TMPRSS9: variants seen among roughly 807,000 people sequenced by gnomAD.
TMPRSS9 encodes transmembrane protease serine 9.
In TMPRSS9, 113 loss-of-function variants were observed where a neutral mutation model predicts 111.4. The observed-to-expected ratio is 1.01, with a 90% CI of 0.87 to 1.19. TMPRSS9 has a LOEUF of 1.19. Ranked by LOEUF, TMPRSS9 falls within the 50% of genes most tolerant of loss-of-function variation. The pLI is 0.00. For synonymous variants in TMPRSS9, 805 were observed against 659.1 expected, an observed-to-expected ratio of 1.22 and a Z score of -3.39; for missense variants, 1,803 against 1,513.1, an observed-to-expected ratio of 1.19 and a Z score of -3.18.
chr19:2,368,526 G>A (rs1412025750), intron 1 of TMPRSS9, among the ~76,000 whole-genome samples: 4 of 152,088 alleles, frequency 2.6e-5, no homozygotes, highest in African/African-American at 9.7e-5. Flanking sequence ...CGGTCGCTGT[G>A]GGGAGGTTTG....
chr19:2,379,117 T>C (rs899299774), intron 1 of TMPRSS9, among the ~76,000 whole-genome samples: 2 of 151,594 alleles, frequency 1.3e-5, no homozygotes, highest in Non-Finnish European at 1.5e-5. Flanking sequence ...ACTTTCTAAA[T>C]GTGCTTGATG....
chr19:2,400,052 T>C (rs1970797511), intron 4 of TMPRSS9, among the ~76,000 whole-genome samples: 1 of 152,186 alleles, frequency 6.6e-6, no homozygotes, highest in African/African-American at 2.4e-5. Context: ...TTGTGGTCCG[T>C]TGGGTTTCTG....
upstream of TMPRSS9, among the ~76,000 whole-genome samples, chr19:2,388,066 G>A (rs1970513178): frequency 6.6e-6 from 1 of 152,192 alleles, no homozygotes; most frequent in Non-Finnish European, 1.5e-5. Context: ...AGAGTCTGTG[G>A]TCACAAATTC....
intron 15 of TMPRSS9, among the ~76,000 whole-genome samples, chr19:2,424,540 C>A (rs573295830): frequency 4.3e-5 from 6 of 139,400 alleles, no homozygotes; most frequent in African/African-American, 1.7e-4. Flanking sequence ...TGCGGCCCCC[C>A]CCCTCCAGCT....
At chr19:2,425,362 A>G in exon 17 of TMPRSS9, 3 of 1,513,354 alleles carry the variant, frequency 2.0e-6, no homozygotes, top group Non-Finnish European at 1.8e-6. Flanking sequence ...CGCAGGCTCC[A>G]TGGCGCGGCA....
intron 10 of TMPRSS9, among the ~76,000 whole-genome samples, chr19:2,415,052 C>A (rs1156447869): frequency 6.7e-6 from 1 of 148,244 alleles, no homozygotes; most frequent in Non-Finnish European, 1.5e-5. Flanking sequence ...TCAAGTGATT[C>A]TCCTGCCTCA....
Position 2,390,267 on chromosome 19 carries a change from GTC to G in TMPRSS9, c.142+348_142+349del, listed in dbSNP as rs1270958804. 5.1e-4 allele frequency among the ~76,000 whole-genome samples: 50 copies of G among 98,544 alleles called. 1 individual carries two copies. The highest frequency in any genetic ancestry group is 3.6e-3 in the Admixed American group (40 of 11,220). The allele number at this position is 98,544 out of a possible 152,430, so 64.6% of individuals were successfully genotyped here. On this transcript the variant is annotated intron_variant, in intron 1 of 17. Transcript: ENST00000648592. ...TGTTTTTTTTTTTTTTTGAGACGGA[GTC>G]TCTCTCTGTCGCCCAGGCTGGAGTG...
intron 17 of TMPRSS9, 128 bp downstream of exon 18, chr19:2,425,621 G>C: frequency 7.3e-7 from 1 of 1,374,620 alleles, no homozygotes; most frequent in Non-Finnish European, 9.4e-7. Context: ...GATCAAGCAG[G>C]GAGCCTTTTT....
At chr19:2,384,721 A>G (rs1844904406) in intron 1 of TMPRSS9, among the ~76,000 whole-genome samples, 1 of 151,298 alleles carries the variant, frequency 6.6e-6, no homozygotes, top group South Asian at 2.1e-4. Flanking sequence ...AGGCGGAGTC[A>G]GGAGAATGGT....
chr19:2,396,816 G>C, intron 2 of TMPRSS9, 150 bp downstream of exon 3: 2 of 1,201,722 alleles, frequency 1.7e-6, no homozygotes, highest in Non-Finnish European at 2.3e-6. Flanking sequence ...GCCAGGGGGC[G>C]GGCAGGACGA....
rs766001493 is a variant in TMPRSS9, at chr19:2,421,868, C to A, written c.2169C>A (p.Gly723=). 4 of 1,601,946 alleles carry A rather than the reference C, an allele frequency of 2.5e-6. No homozygotes were observed. The Admixed American group carries it at 5.1e-5, about 21-fold the overall frequency. ...TTCCTTTCTAGGGTGACTCTGGGGG[C>A]CCCCTGGCCTGCGAGGAGGCCCCTG... Residue 723 remains glycine, a synonymous_variant, in exon 14 of 18, where the codon GGC becomes GGA. Coordinates refer to ENST00000648592, the Ensembl canonical transcript of TMPRSS9.
At chr19:2,361,907 C>T (rs1970202496) in intron 1 of TMPRSS9, among the ~76,000 whole-genome samples, 1 of 152,146 alleles carries the variant, frequency 6.6e-6, no homozygotes, top group South Asian at 2.1e-4. Flanking sequence ...CACCTGTGGT[C>T]CTGGCTTCCT....
chr19:2,396,815 C>A, intron 2 of TMPRSS9, 149 bp downstream of exon 3: 2 of 1,195,250 alleles, frequency 1.7e-6, no homozygotes, highest in Non-Finnish European at 1.1e-6. Context: ...GGCCAGGGGG[C>A]GGGCAGGACG....
chr19:2,406,184 T>G (rs1970966527), intron 7 of TMPRSS9, among the ~76,000 whole-genome samples: 2 of 148,816 alleles, frequency 1.3e-5, no homozygotes, highest in Admixed American at 1.4e-4. Flanking sequence ...CTAATTTAAT[T>G]TTTTTTTGTA....
At chr19:2,378,669 G>A (rs924977238) in intron 1 of TMPRSS9, among the ~76,000 whole-genome samples, 1 of 152,194 alleles carries the variant, frequency 6.6e-6, no homozygotes, top group Non-Finnish European at 1.5e-5. Context: ...AGTGAGCCAA[G>A]ATTGTGCCAC....
chr19:2,417,949 A>G, intron 12 of TMPRSS9, 53 bp from the exon 14 acceptor site: 1 of 1,606,810 alleles, frequency 6.2e-7, no homozygotes, highest in Non-Finnish European at 8.5e-7. Context: ...GCGGAACTGG[A>G]GCTGCTCTGA....
intron 2 of TMPRSS9, among the ~76,000 whole-genome samples, chr19:2,398,295 CAAAAT>C (rs1240704930): frequency 2.0e-5 from 3 of 149,572 alleles, no homozygotes; most frequent in Non-Finnish European, 4.4e-5. Context: ...GACTCTGTCT[CAAAAT>C]AATAATAATA....
At chr19:2,414,441 T>A (rs1281957618) in intron 10 of TMPRSS9, among the ~76,000 whole-genome samples, 1 of 152,038 alleles carries the variant, frequency 6.6e-6, no homozygotes, top group Non-Finnish European at 1.5e-5. Context: ...GGTTTCCCCA[T>A]GTTGGTCAGG....
intron 9 of TMPRSS9, among the ~76,000 whole-genome samples, 156 bp downstream of exon 10, chr19:2,410,550 C>T (rs567184014): frequency 2.6e-5 from 4 of 152,238 alleles, no homozygotes; most frequent in African/African-American, 7.2e-5. Context: ...AAATGCTGGG[C>T]GATTCACAGA....
Sources: gnomAD v4.1 joint callset for allele counts (sites outside exome capture counted in the v4.1 genomes callset) on GRCh38, gnomAD v4.1.1 for gene constraint, MANE v1.5 for transcripts, NCBI Gene and HGNC (gene_info 2026-07-23, HGNC 2026-07-21) for gene names.